Variants in CEACAM21 observed in about 807,000 individuals in gnomAD.
CEACAM21 encodes the protein CEA cell adhesion molecule 21, also known as cell adhesion molecule CEACAM21.
A neutral mutation model predicts 33.2 loss-of-function variants in CEACAM21; 38 were observed. The ratio of observed to expected loss-of-function variants is 1.14; its 90% CI spans 0.88 to 1.50. The LOEUF is 1.50. CEACAM21 is among the 40% of genes most tolerant of loss of function. The probability of loss-of-function intolerance (pLI) is 0.00; values close to 1 mark genes in which losing one functional copy is unlikely to be tolerated. For synonymous variants in CEACAM21, 156 were observed against 143.0 expected, an observed-to-expected ratio of 1.09 and a Z score of -0.65; for missense variants, 385 against 364.6, an observed-to-expected ratio of 1.06 and a Z score of -0.46.
chr19:41,564,630 CT>C (rs2042138208), intron 1 of CEACAM21: 1 of 152,248 alleles, frequency 6.6e-6, no homozygotes, highest in South Asian at 2.1e-4. Context: ...ATCCCCTCCC[CT>C]GTCTCTTCAC....
chr19:41,572,359 C>T (rs1555789702), upstream of CEACAM21, among the ~76,000 whole-genome samples: 2 of 152,140 alleles, frequency 1.3e-5, no homozygotes, highest in Non-Finnish European at 2.9e-5. Context: ...TGAGAGGCAA[C>T]TCCTGGGTCA....
In CEACAM21 at chr19:41,579,557, G is replaced by C. The variant is rs1285581327; in HGVS notation, c.629G>C (p.Gly210Ala). 2.5e-6 allele frequency: 4 copies of C among 1,605,360 alleles called. No homozygotes were observed. The African/African-American group carries it at 4.0e-5, about 16-fold the overall frequency. Residue 210 changes from glycine to alanine, a missense_variant, in exon 3 of 7, where the codon GGG becomes GCG. Gly to Ala is a moderately conservative substitution (Grantham distance 60). Transcript: ENST00000401445. ...TIDPIRQEDA[G>A]EYQCEVSNPV... is the part of the protein sequence containing the mutation. ...GACCCCATCAGGCAGGAGGACGCTG[G>C]GGAGTATCAGTGTGAGGTCTCCAAC...
At chr19:41,584,551 C>T in intron 4 of CEACAM21, 108 bp downstream of exon 4, 1 of 975,322 alleles carries the variant, frequency 1.0e-6, no homozygotes, top group South Asian at 1.5e-5. Flanking sequence ...AGCCTCCCGA[C>T]TCCCCAGGGA....
At chr19:41,560,629 T>C (rs2041826020) in intron 1 of CEACAM21, among the ~76,000 whole-genome samples, 1 of 152,242 alleles carries the variant, frequency 6.6e-6, no homozygotes, top group African/African-American at 2.4e-5. Flanking sequence ...AAACAGATAT[T>C]GTTCAGTGAC....
intron 1 of CEACAM21, among the ~76,000 whole-genome samples, chr19:41,563,090 A>G (rs2042001013): frequency 6.6e-6 from 1 of 152,184 alleles, no homozygotes; most frequent in African/African-American, 2.4e-5. Context: ...TTCAGGATGC[A>G]GAGTGTGGTT....
At position 41,577,558 on chromosome 19, in the gene CEACAM21, C is replaced by A; in HGVS notation, c.423C>A (p.Tyr141Ter). 6.2e-7 allele frequency: 1 copy of A among 1,612,636 alleles called. No homozygotes were observed. The highest frequency in any genetic ancestry group is 8.5e-7 in the Non-Finnish European group (1 of 1,179,708). ...IEQASHHLRV[Y>*]ESVAQPSIQA... The stretch of plus-strand genomic sequence containing the variant: ...AGGCATCTCACCATCTCCGTGTATA[C>A]GGTGAGTGATTCCTCCGTGCCTCTG... Residue 141 changes from tyrosine to a stop codon, truncating the protein, a stop_gained and splice_region_variant, in exon 2 of 7, where the codon TAC (tyrosine) becomes TAA (stop). Coordinates refer to ENST00000401445, the MANE Select transcript of CEACAM21 (RefSeq NM_001098506.4). LOFTEE classifies it high-confidence loss of function.
intron 1 of CEACAM21, among the ~76,000 whole-genome samples, chr19:41,559,815 G>A (rs2041763683): frequency 6.6e-6 from 1 of 152,172 alleles, no homozygotes; most frequent in African/African-American, 2.4e-5. Flanking sequence ...AACTGGGTCA[G>A]GCAGGAAAAG....
chr19:41,565,868 G>T lies in CEACAM21; in HGVS notation c.-404+812G>T, dbSNP rs146797385. ...GATATCAAGTGTAGGCAAGTTGTAG[G>T]GAAAATGGGTGATGAACGAATAGAA... On this transcript the variant is annotated intron_variant, in intron 2 of 7. Coordinates refer to the CEACAM21 transcript ENST00000407170. Among the ~76,000 whole-genome samples, 120 of 148,782 alleles carry T rather than the reference G, an allele frequency of 8.1e-4. 1 individual carries two copies. The highest frequency in any genetic ancestry group is 2.8e-3 in the African/African-American group (114 of 40,260).
Position 41,584,372 on chromosome 19 carries a change from G to A in CEACAM21, c.726G>A (p.Leu242=), listed in dbSNP as rs1555794434. 6.2e-7 allele frequency: 1 copy of A among 1,611,796 alleles called. No homozygotes were observed. The highest frequency in any genetic ancestry group is 1.1e-5 in the South Asian group (1 of 90,640). ...VKSDDNTLGI[L]IGVLVGSLLV... ...CAGATGACAACACTCTAGGCATCCT[G>A]ATCGGGGTCCTGGTTGGGAGTCTTC... The change falls in exon 4 of 7, where the codon CTG becomes CTA. Residue 242 remains leucine (L), a synonymous_variant. Transcript: ENST00000401445.
chr19:41,573,175 A>G, upstream of CEACAM21, among the ~76,000 whole-genome samples: 1 of 152,348 alleles, frequency 6.6e-6, no homozygotes, highest in South Asian at 2.1e-4. Context: ...GACAGTGCCT[A>G]AGAGGATGAC....
At chr19:41,576,409 G>A in intron 1 of CEACAM21, 71 bp downstream of exon 1, 2 of 1,507,740 alleles carry the variant, frequency 1.3e-6, no homozygotes, top group Non-Finnish European at 1.8e-6. Flanking sequence ...TCCTGGGGAG[G>A]ATGGGGCTCT....
intron 1 of CEACAM21, among the ~76,000 whole-genome samples, chr19:41,560,837 A>C (rs2041838281): frequency 6.6e-6 from 1 of 152,214 alleles, no homozygotes; most frequent in South Asian, 2.1e-4. Flanking sequence ...CCTCAATCTA[A>C]AAAAGAGCGT....
At chr19:41,585,904 TG>T (rs782622307) in intron 6 of CEACAM21, 33 bp downstream of exon 6, 26 of 1,610,352 alleles carry the variant, frequency 1.6e-5, no homozygotes, top group African/African-American at 4.0e-5. Flanking sequence ...CCATTTCCAC[TG>T]GGGCCCCAGC....
intron 1 of CEACAM21, among the ~76,000 whole-genome samples, chr19:41,554,247 A>G (rs2041402016): frequency 6.6e-6 from 1 of 151,966 alleles, no homozygotes; most frequent in African/African-American, 2.4e-5. Flanking sequence ...AGTTATCAAA[A>G]TTTGCATTTA....
chr19:41,574,253 C>T (rs1156739090), upstream of CEACAM21, among the ~76,000 whole-genome samples: 1 of 152,098 alleles, frequency 6.6e-6, no homozygotes, highest in Non-Finnish European at 1.5e-5. Context: ...ATTAGAAGAA[C>T]ATATAGGAGT....
intron 4 of CEACAM21, 147 bp from the exon 5 acceptor site, chr19:41,585,296 C>T (rs1301991460): frequency 1.3e-6 from 1 of 769,458 alleles, no homozygotes; most frequent in Admixed American, 2.3e-5. Context: ...ACTCCCCTCA[C>T]CTGGGCCCCT....
upstream of CEACAM21, among the ~76,000 whole-genome samples, chr19:41,573,025 G>T (rs2042710463): frequency 6.6e-6 from 1 of 152,158 alleles, no homozygotes; most frequent in South Asian, 2.1e-4. Flanking sequence ...AGACCCCTGT[G>T]CCAGGTAGAC....
chr19:41,568,351 C>G (rs1425332057), intron 2 of CEACAM21, among the ~76,000 whole-genome samples: 1 of 151,998 alleles, frequency 6.6e-6, no homozygotes, highest in African/African-American at 2.4e-5. Context: ...TCCAAAAACT[C>G]TTTGCCTAGA....
intron 2 of CEACAM21, among the ~76,000 whole-genome samples, chr19:41,566,450 C>T (rs2042270768): frequency 6.6e-6 from 1 of 152,108 alleles, no homozygotes; most frequent in African/African-American, 2.4e-5. Context: ...CGTTTTTCTC[C>T]TTTAGTCTGT....
Sources: gnomAD v4.1 joint callset for allele counts (sites outside exome capture counted in the v4.1 genomes callset) on GRCh38, gnomAD v4.1.1 for gene constraint, MANE v1.5 for transcripts, NCBI Gene and HGNC (gene_info 2026-07-23, HGNC 2026-07-21) for gene names.